Variants in NSMCE1 observed in about 807,000 individuals in gnomAD.
The protein encoded by NSMCE1 is NSE1 component of SMC5/6 complex.
In NSMCE1, 18 loss-of-function variants were observed where a neutral mutation model predicts 29.6. That is an observed-to-expected ratio of 0.61 (90% CI 0.42 to 0.90). The LOEUF (loss-of-function observed/expected upper bound fraction) is 0.90. NSMCE1 is among the 40% of genes least tolerant of loss of function. NSMCE1 has a pLI of 0.00. For missense variants in NSMCE1, 314 were observed against 343.6 expected (o/e 0.91, Z 0.68); for synonymous variants, 124 against 133.4 (o/e 0.93, Z 0.49).
intron 3 of NSMCE1, 88 bp downstream of exon 3, chr16:27,235,090 G>C: frequency 7.6e-7 from 1 of 1,314,350 alleles, no homozygotes; most frequent in Non-Finnish European, 1.1e-6. Context: ...CTGTCCAAAA[G>C]AGAAATCAAA....
intron 6 of NSMCE1, 84 bp from the exon 7 acceptor site, chr16:27,225,930 G>T: frequency 6.6e-7 from 1 of 1,507,890 alleles, no homozygotes; most frequent in Non-Finnish European, 9.1e-7. Flanking sequence ...AAGGGAAATG[G>T]GCAGCAGGTG....
intron 2 of NSMCE1, among the ~76,000 whole-genome samples, chr16:27,236,266 C>A (rs1393696820): frequency 6.7e-6 from 1 of 148,278 alleles, no homozygotes; most frequent in Non-Finnish European, 1.5e-5. Flanking sequence ...ACATGGCCAG[C>A]GTTGTGTCCC....
chr16:27,225,879 G>C (rs772786007), intron 6 of NSMCE1, 33 bp from the exon 7 acceptor site: 1 of 1,611,986 alleles, frequency 6.2e-7, no homozygotes, highest in South Asian at 1.1e-5. Context: ...CGGCGGAGCT[G>C]GTGCACACCT....
At chr16:27,235,741 C>T (rs371934881) in intron 2 of NSMCE1, among the ~76,000 whole-genome samples, 9 of 152,362 alleles carry the variant, frequency 5.9e-5, no homozygotes, top group African/African-American at 1.4e-4. Flanking sequence ...CTGTATGTCC[C>T]CACACATCTT....
chr16:27,247,633 A>G (rs901559039), intron 2 of NSMCE1, among the ~76,000 whole-genome samples: 1 of 152,108 alleles, frequency 6.6e-6, no homozygotes. Flanking sequence ...TTTCACATAA[A>G]TGCCTTCATA....
At chr16:27,245,525 C>T (rs1330685867) in intron 2 of NSMCE1, among the ~76,000 whole-genome samples, 1 of 152,232 alleles carries the variant, frequency 6.6e-6, no homozygotes, top group Non-Finnish European at 1.5e-5. Context: ...CCAGCCTGGA[C>T]TCCCAGGCTG....
chr16:27,227,867 C>T (rs1433983396), intron 5 of NSMCE1, among the ~76,000 whole-genome samples: 2 of 149,716 alleles, frequency 1.3e-5, no homozygotes, highest in South Asian at 2.1e-4. Flanking sequence ...CTCAATGCAA[C>T]TTCCGCATCC....
At position 27,225,162 on chromosome 16, in the gene NSMCE1, G is replaced by A. The variant is rs1388779236; in HGVS notation, c.796C>T (p.His266Tyr). ...SNKKSLRSRQ[H>Y] ...CCCTCAGCAGGGCACGATGGCTAAT[G>A]CTGCCTGGACCGCAGGGACTTTTTG... Residue 266 changes from histidine (H) to tyrosine (Y), a missense_variant, in exon 8 of 8, where the codon CAT (histidine) becomes TAT (tyrosine). His to Tyr is a moderately conservative substitution (Grantham distance 83, BLOSUM62 2). Transcript: ENST00000361439. The A allele has an allele frequency of 1.3e-6, 2 of 1,596,048 alleles. No individual in the cohort carries two copies. Among genetic ancestry groups the A allele is most frequent in the Non-Finnish European group, 1.7e-6 (2 of 1,167,898 alleles).
intron 1 of NSMCE1, chr16:27,258,189 AG>A (rs1472220420): frequency 6.6e-6 from 1 of 152,252 alleles, no homozygotes; most frequent in African/African-American, 2.4e-5. Flanking sequence ...CTATCATGGC[AG>A]GACTTCAGAC....
chr16:27,259,627 A>T (rs1195532168), intron 1 of NSMCE1, among the ~76,000 whole-genome samples: 1 of 152,140 alleles, frequency 6.6e-6, no homozygotes, highest in Non-Finnish European at 1.5e-5. Context: ...AAGGGATCCT[A>T]CAAAAGGGGA....
intron 2 of NSMCE1, among the ~76,000 whole-genome samples, chr16:27,235,644 G>A (rs1158723276): frequency 1.3e-5 from 2 of 152,178 alleles, no homozygotes; most frequent in Non-Finnish European, 2.9e-5. Flanking sequence ...TGTGCTCAGA[G>A]CCTGCGTGAG....
Position 27,225,225 on chromosome 16 carries a change from G to T in NSMCE1, c.733C>A (p.Pro245Thr). ...ACACCAGACTCCCTCTCCTTCTCAG[G>T]GTCGAAGACTTCTGTAGACAGAAAA... ...WPHEIPKVFD[P>T]EKERESGVLK... Residue 245 changes from proline (P) to threonine (T), a missense_variant, in exon 8 of 8, where the codon CCT becomes ACT. Physicochemically the swap from Pro to Thr is conservative, Grantham distance 38. Coordinates refer to ENST00000361439, the MANE Select transcript of NSMCE1 (RefSeq NM_145080.4). 1 of 1,602,184 alleles carries T rather than the reference G, an allele frequency of 6.2e-7. No homozygotes were observed. Among genetic ancestry groups the T allele is most frequent in the East Asian group, 2.2e-5 (1 of 44,814 alleles).
rs2083693487 is a variant in NSMCE1, at chr16:27,226,504, C to T, written c.600+216G>A. ...AGCGAGGGCCCTTGGACCCCAACAGCAGAACCAGGGAGGAGGGCGGCAGTG... is the reference window on the plus strand; with the variant it reads ...AGCGAGGGCCCTTGGACCCCAACAGTAGAACCAGGGAGGAGGGCGGCAGTG... On this transcript the variant is annotated intron_variant, in intron 6 of 7. Transcript: ENST00000361439. The T allele has an allele frequency of 3.2e-5, 17 of 531,260 alleles. 2 individuals are homozygous for T. In the South Asian group the frequency reaches 4.3e-4, roughly 14 times the overall value. The allele number at this position is 531,260 out of a possible 1,614,324, so 32.9% of individuals were successfully genotyped here. A position where few individuals can be genotyped will look rare whatever the true frequency, so the allele number is the denominator to read the frequency against.
chr16:27,262,029 G>A (rs910844760), intron 1 of NSMCE1, among the ~76,000 whole-genome samples: 4 of 152,144 alleles, frequency 2.6e-5, no homozygotes, highest in African/African-American at 9.7e-5. Context: ...GATCACCTGA[G>A]GTCAGGAGTT....
chr16:27,237,380 GA>G (rs979125756), intron 2 of NSMCE1, among the ~76,000 whole-genome samples: 1 of 152,170 alleles, frequency 6.6e-6, no homozygotes, highest in Non-Finnish European at 1.5e-5. Context: ...GTTTTTCCAG[GA>G]AATGTTCTCT....
At chr16:27,254,573 A>G (rs1212013524) in intron 2 of NSMCE1, among the ~76,000 whole-genome samples, 1 of 152,212 alleles carries the variant, frequency 6.6e-6, no homozygotes, top group Admixed American at 6.5e-5. Context: ...TAAGAGATTC[A>G]GGATTAACAC....
intron 2 of NSMCE1, among the ~76,000 whole-genome samples, chr16:27,240,181 A>G (rs1234247551): frequency 6.6e-6 from 1 of 152,136 alleles, no homozygotes; most frequent in Admixed American, 6.5e-5. Context: ...GCCTGAGGAC[A>G]TCCTCTATAC....
At position 27,257,597 on chromosome 16, in the gene NSMCE1, A is replaced by G. The variant is rs758444291; in HGVS notation, c.-11-16T>C. ...TGGGAACGAACTGAAAAGGAAGTAA[A>G]TGACACTAGTCAACCCCAAGCACAT... On this transcript the variant is annotated splice_polypyrimidine_tract_variant and intron_variant, in intron 1 of 7. Transcript: ENST00000361439. The G allele has an allele frequency of 6.2e-7, 1 of 1,600,848 alleles. No homozygotes were observed. Among genetic ancestry groups the G allele is most frequent in the Non-Finnish European group, 8.5e-7 (1 of 1,172,590 alleles).
intron 6 of NSMCE1, 173 bp downstream of exon 6, chr16:27,226,547 G>A (rs2083694708): frequency 3.5e-6 from 2 of 575,722 alleles, no homozygotes; most frequent in African/African-American, 1.9e-5. Context: ...GCGGGGCACA[G>A]CAGGGAGGCG....
Sources: allele counts gnomAD v4.1 joint callset (sites outside exome capture counted in the v4.1 genomes callset), GRCh38; gene constraint gnomAD v4.1.1; transcripts MANE v1.5; gene names NCBI Gene and HGNC (gene_info 2026-07-23, HGNC 2026-07-21).